The following NAV3 variants were observed in gnomAD, a reference collection of about 807,000 sequenced individuals.
NAV3 encodes neuron navigator 3, also known as pore membrane and/or filament interacting like protein 1.
NAV3 carries 87 observed loss-of-function variants against 244.7 expected under a neutral mutation model. The ratio of observed to expected loss-of-function variants is 0.36; its 90% CI spans 0.30 to 0.42. The LOEUF is 0.42. Among genes scored for constraint, NAV3 ranks in the 20% least tolerant of loss-of-function variants. NAV3 has a pLI of 1.00. For missense variants in NAV3, 2,663 were observed against 2,893.3 expected (o/e 0.92, Z 1.83); for synonymous variants, 1,126 against 1,042.2 (o/e 1.08, Z -1.55).
chr12:78,010,229 TAG>T (rs1283101829), intron 8 of NAV3, among the ~76,000 whole-genome samples: 1 of 152,208 alleles, frequency 6.6e-6, no homozygotes, highest in African/African-American at 2.4e-5. Context: ...AGCTTGTTTA[TAG>T]AGTCATGACA....
At chr12:78,082,758 C>T (rs1217008470) in intron 12 of NAV3, among the ~76,000 whole-genome samples, 1 of 152,122 alleles carries the variant, frequency 6.6e-6, no homozygotes, top group Admixed American at 6.6e-5. Flanking sequence ...TAGCTGAAAC[C>T]CTTTTACTAT....
chr12:78,028,747 G>A (rs115058187), intron 9 of NAV3, among the ~76,000 whole-genome samples: 1,775 of 152,262 alleles, frequency 0.012, 28 homozygotes, highest in South Asian at 0.051. Flanking sequence ...CTCACTGCCA[G>A]GAAGCTGGAC....
intron 2 of NAV3, among the ~76,000 whole-genome samples, chr12:77,628,325 G>T (rs577892806): frequency 1.7e-3 from 255 of 152,204 alleles, no homozygotes; most frequent in African/African-American, 5.9e-3. Context: ...TATGAGGAAA[G>T]AGATGGTTTC....
At chr12:77,643,635 A>G (rs1462852103) in intron 2 of NAV3, among the ~76,000 whole-genome samples, 3 of 151,766 alleles carry the variant, frequency 2.0e-5, no homozygotes, top group Non-Finnish European at 2.9e-5. Context: ...ACATATTATA[A>G]AATCTAATTA....
At chr12:77,960,581 C>T (rs1340668193) in intron 3 of NAV3, among the ~76,000 whole-genome samples, 2 of 147,668 alleles carry the variant, frequency 1.4e-5, no homozygotes, top group East Asian at 3.9e-4. Context: ...CATATATTAC[C>T]TATAATATAT....
At chr12:77,926,622 A>T (rs992151264) in intron 1 of NAV3, among the ~76,000 whole-genome samples, 14 of 152,244 alleles carry the variant, frequency 9.2e-5, no homozygotes, top group African/African-American at 3.4e-4. Flanking sequence ...TGTGAACAGC[A>T]TTCCATCCAC....
intron 2 of NAV3, among the ~76,000 whole-genome samples, chr12:77,811,444 T>C (rs1872284481): frequency 6.6e-6 from 1 of 152,150 alleles, no homozygotes; most frequent in African/African-American, 2.4e-5. Flanking sequence ...TCCGTCAAAT[T>C]ATTTGGTTGT....
At chr12:78,134,952 T>C (rs1389096072) in intron 18 of NAV3, among the ~76,000 whole-genome samples, 6 of 152,170 alleles carry the variant, frequency 3.9e-5, no homozygotes, top group African/African-American at 7.2e-5. Flanking sequence ...CATATCTGTT[T>C]CTCTTCTATT....
intron 2 of NAV3, among the ~76,000 whole-genome samples, chr12:77,653,800 T>C (rs1872938565): frequency 6.6e-6 from 1 of 152,206 alleles, no homozygotes; most frequent in Non-Finnish European, 1.5e-5. Context: ...ACACATATAA[T>C]ATACACAAAT....
chr12:77,857,057 C>T (rs972092252), intron 1 of NAV3, among the ~76,000 whole-genome samples: 7 of 151,974 alleles, frequency 4.6e-5, no homozygotes, highest in Non-Finnish European at 8.8e-5. Context: ...AAAAATGAGA[C>T]GCTAGTCAAG....
chr12:77,686,999 C>T (rs1159341745), intron 2 of NAV3, among the ~76,000 whole-genome samples: 1 of 152,038 alleles, frequency 6.6e-6, no homozygotes, highest in Non-Finnish European at 1.5e-5. Flanking sequence ...ACAATCTTTA[C>T]ATCTTCACTA....
chr12:77,625,034 C>T (rs940538553), intron 2 of NAV3, among the ~76,000 whole-genome samples: 1 of 152,108 alleles, frequency 6.6e-6, no homozygotes, highest in African/African-American at 2.4e-5. Flanking sequence ...TAACAAAGCA[C>T]ACATCATGCA....
chr12:77,920,509 C>T (rs1232461739), intron 1 of NAV3, among the ~76,000 whole-genome samples: 2 of 151,524 alleles, frequency 1.3e-5, no homozygotes, highest in Admixed American at 6.6e-5. Context: ...TTTATAGTAC[C>T]AAAAAAACCC....
intron 2 of NAV3, 73 bp from the exon 3 acceptor site, chr12:77,941,008 T>C (rs1244973392): frequency 1.1e-6 from 1 of 936,966 alleles, no homozygotes; most frequent in Non-Finnish European, 1.7e-6. Context: ...CCTGTTTTCG[T>C]GTGTGTGTTT....
intron 3 of NAV3, among the ~76,000 whole-genome samples, chr12:77,964,984 C>T (rs1892384859): frequency 6.6e-6 from 1 of 151,882 alleles, no homozygotes; most frequent in Non-Finnish European, 1.5e-5. Context: ...CTTTAAGAGA[C>T]ATTTTGACCT....
chr12:77,647,809 C>A (rs1872667016), intron 2 of NAV3, among the ~76,000 whole-genome samples: 1 of 152,050 alleles, frequency 6.6e-6, no homozygotes, highest in Non-Finnish European at 1.5e-5. Context: ...ATAAAGCCTG[C>A]CACTCAGGAA....
At chr12:78,154,151 TA>T (rs1429057494) in intron 22 of NAV3, among the ~76,000 whole-genome samples, 1 of 139,110 alleles carries the variant, frequency 7.2e-6, no homozygotes, top group Non-Finnish European at 1.5e-5. Flanking sequence ...TATATATGTA[TA>T]TATATATATA....
intron 9 of NAV3, among the ~76,000 whole-genome samples, chr12:78,026,869 C>A (rs12228656): frequency 2.8e-4 from 43 of 151,904 alleles, no homozygotes; most frequent in Non-Finnish European, 5.7e-4. Flanking sequence ...AAAAAGGAAC[C>A]TAATAATTTT....
At chr12:78,168,682 A>T in intron 23 of NAV3, 73 bp from the exon 24 acceptor site, 2 of 948,298 alleles carry the variant, frequency 2.1e-6, no homozygotes, top group Non-Finnish European at 3.2e-6. Context: ...AAACCTTTTT[A>T]ATTCAACTAT....
Sources: gnomAD v4.1 joint callset for allele counts (sites outside exome capture counted in the v4.1 genomes callset) on GRCh38, gnomAD v4.1.1 for gene constraint, MANE v1.5 for transcripts, NCBI Gene and HGNC (gene_info 2026-07-23, HGNC 2026-07-21) for gene names.